The following STIM1 variants were observed in gnomAD, a reference collection of about 807,000 sequenced individuals.
STIM1 encodes stromal interaction molecule 1.
In STIM1, 25 loss-of-function variants were observed where a neutral mutation model predicts 74.7. The ratio of observed to expected loss-of-function variants is 0.33; its 90% confidence interval spans 0.24 to 0.47. The LOEUF is 0.47. STIM1 is among the 20% of genes least tolerant of loss of function. The probability of loss-of-function intolerance (pLI) is 1.00; values close to 1 mark genes in which losing one functional copy is unlikely to be tolerated. For missense variants in STIM1, 728 were observed against 920.8 expected, an observed-to-expected ratio of 0.79 and a Z score of 2.71; for synonymous variants, 328 against 348.8, an observed-to-expected ratio of 0.94 and a Z score of 0.66.
chr11:3,879,314 T>G (rs898517824), intron 1 of STIM1, among the ~76,000 whole-genome samples: 2 of 152,196 alleles, frequency 1.3e-5, no homozygotes, highest in Non-Finnish European at 2.9e-5. Flanking sequence ...TCCAAAACCC[T>G]CCAATCCTGT....
intron 1 of STIM1, among the ~76,000 whole-genome samples, chr11:3,961,009 A>AC (rs2093279263): frequency 6.8e-6 from 1 of 147,320 alleles, no homozygotes; most frequent in South Asian, 2.1e-4. Context: ...CTGAAAGGTG[A>AC]TTTTTTTTTT....
Position 4,059,342 on chromosome 11 carries a change from C to T in STIM1, c.559C>T (p.Arg187Trp), listed in dbSNP as rs1180877917. 3 of 1,613,948 alleles carry T rather than the reference C, an allele frequency of 1.9e-6. No individual in the cohort carries two copies. The highest frequency in any genetic ancestry group is 2.5e-6 in the Non-Finnish European group (3 of 1,179,978). ...GCTGAAGATGACAGACCGGAGTCAT[C>T]GGCAGAAGCTGCAGCTGAAGGCTCT... is the stretch of plus-strand genomic sequence containing the variant. ...TVLKMTDRSHRQKLQLKALDT... is the reference protein window; with the variant it reads ...TVLKMTDRSHWQKLQLKALDT... The change falls in exon 5 of 13, where the codon CGG (arginine) becomes TGG (tryptophan). Residue 187 changes from arginine (R) to tryptophan (W), a missense_variant. Coordinates refer to ENST00000526596, the MANE Select transcript of STIM1 (RefSeq NM_001382567.1).
At chr11:3,916,309 C>T (rs1365776745) in intron 1 of STIM1, among the ~76,000 whole-genome samples, 2 of 151,260 alleles carry the variant, frequency 1.3e-5, no homozygotes, top group Non-Finnish European at 2.9e-5. Context: ...TTAATTGAGA[C>T]AGAGTCTCGC....
intron 1 of STIM1, among the ~76,000 whole-genome samples, chr11:3,910,704 G>A (rs996416235): frequency 4.6e-5 from 7 of 151,918 alleles, no homozygotes; most frequent in African/African-American, 9.7e-5. Flanking sequence ...AAAACAGGCC[G>A]GGCGAGGTGG....
chr11:3,970,035 C>T (rs2093376344), intron 2 of STIM1, among the ~76,000 whole-genome samples: 1 of 149,656 alleles, frequency 6.7e-6, no homozygotes, highest in African/African-American at 2.4e-5. Context: ...AACCCAAGAT[C>T]TATAAATTCT....
At chr11:4,079,706 G>A (rs2094455479) in intron 7 of STIM1, among the ~76,000 whole-genome samples, 2 of 152,210 alleles carry the variant, frequency 1.3e-5, no homozygotes, top group Non-Finnish European at 2.9e-5. Flanking sequence ...TTCTCCAGAT[G>A]TTGTGTTGGA....
chr11:4,006,963 TTA>T (rs1410233248), intron 2 of STIM1, among the ~76,000 whole-genome samples: 6 of 152,150 alleles, frequency 3.9e-5, no homozygotes, highest in Non-Finnish European at 7.3e-5. Flanking sequence ...TCTTCTGGCT[TTA>T]TGTCAGTGAA....
intron 1 of STIM1, among the ~76,000 whole-genome samples, chr11:3,876,246 T>C (rs1440107992): frequency 6.6e-6 from 1 of 152,168 alleles, no homozygotes; most frequent in African/African-American, 2.4e-5. Context: ...AAGCTTTTGG[T>C]TTAAGATATG....
At chr11:3,924,344 G>T (rs1452621859) in intron 1 of STIM1, among the ~76,000 whole-genome samples, 1 of 151,492 alleles carries the variant, frequency 6.6e-6, no homozygotes, top group Non-Finnish European at 1.5e-5. Flanking sequence ...GACTACAGGC[G>T]CCCACCACCA....
intron 3 of STIM1, among the ~76,000 whole-genome samples, chr11:4,052,875 C>T (rs1244519943): frequency 2.0e-5 from 3 of 152,132 alleles, no homozygotes; most frequent in Non-Finnish European, 2.9e-5. Flanking sequence ...CTACAAAGAA[C>T]TCAAACAAAG....
rs143400589 is a variant in STIM1 at position 4,085,361 on chromosome 11, A to G, written c.1567+596A>G. On this transcript the variant is annotated intron_variant, in intron 11 of 12. Transcript: ENST00000526596. ...TATCTATCAGGCTAGAGGAGAAAGA[A>G]TAAAGGTCTGCACTCTCTTTTAGCT... Among the ~76,000 whole-genome samples, 637 of 152,336 alleles carry G rather than the reference A, an allele frequency of 4.2e-3. 2 individuals carry two copies. Among genetic ancestry groups the G allele is most frequent in the African/African-American group, 0.014 (574 of 41,576 alleles).
At chr11:3,885,203 GTATCTCAC>G (rs2091661286) in intron 1 of STIM1, among the ~76,000 whole-genome samples, 2 of 150,246 alleles carry the variant, frequency 1.3e-5, no homozygotes, top group South Asian at 4.2e-4. Flanking sequence ...TTTTGAGACA[GTATCTCAC>G]TCTGTCATCT....
chr11:3,899,935 A>G (rs1027120606), intron 1 of STIM1, among the ~76,000 whole-genome samples: 1 of 151,568 alleles, frequency 6.6e-6, no homozygotes, highest in Non-Finnish European at 1.5e-5. Context: ...TTTATTGAGG[A>G]TTTTTGCATC....
In STIM1 at chr11:3,864,776, C is replaced by T. The variant is rs568693381; in HGVS notation, c.139+8367C>T. 3.8e-4 allele frequency among the ~76,000 whole-genome samples: 58 copies of T among 152,336 alleles called. 1 individual carries two copies. Among genetic ancestry groups the T allele is most frequent in the Non-Finnish European group, 6.9e-4 (47 of 68,034 alleles). On this transcript the variant is annotated intron_variant, in intron 1 of 12. Coordinates refer to ENST00000526596, the MANE Select transcript of STIM1 (RefSeq NM_001382567.1). Reference sequence around the variant, plus strand: ...CCTCTGAGATTGCCCAAGGGCCATGCTCTGGGGAACAATCACTTCTAGGTT... The same window carrying T: ...CCTCTGAGATTGCCCAAGGGCCATGTTCTGGGGAACAATCACTTCTAGGTT...
intron 2 of STIM1, among the ~76,000 whole-genome samples, chr11:3,995,962 C>T (rs2093659763): frequency 6.6e-6 from 1 of 152,100 alleles, no homozygotes; most frequent in East Asian, 1.9e-4. Flanking sequence ...TCCCAGCTGT[C>T]TCTTTCCCTA....
intron 1 of STIM1, among the ~76,000 whole-genome samples, chr11:3,894,653 C>A (rs552582356): frequency 1.6e-3 from 246 of 152,272 alleles, no homozygotes; most frequent in African/African-American, 5.5e-3. Context: ...GTCCTGGTAG[C>A]TGTGTTTAGG....
intron 7 of STIM1, among the ~76,000 whole-genome samples, chr11:4,075,284 T>C (rs948179963): frequency 1.3e-5 from 2 of 152,232 alleles, no homozygotes; most frequent in African/African-American, 2.4e-5. Flanking sequence ...AAGTCATAAG[T>C]ATACAGCTGG....
At chr11:3,999,114 G>C (rs1286021321) in intron 2 of STIM1, among the ~76,000 whole-genome samples, 1 of 152,208 alleles carries the variant, frequency 6.6e-6, no homozygotes, top group Non-Finnish European at 1.5e-5. Flanking sequence ...GGGAAGCCAA[G>C]GCAGGAGGAT....
chr11:4,032,505 T>C (rs2094059494), intron 3 of STIM1, among the ~76,000 whole-genome samples: 1 of 152,192 alleles, frequency 6.6e-6, no homozygotes, highest in South Asian at 2.1e-4. Flanking sequence ...TTTCAAGTTA[T>C]TTTGGCTGTT....
Sources: gnomAD v4.1 joint callset for allele counts (sites outside exome capture counted in the v4.1 genomes callset) on GRCh38, gnomAD v4.1.1 for gene constraint, MANE v1.5 for transcripts, NCBI Gene and HGNC (gene_info 2026-07-23, HGNC 2026-07-21) for gene names.